DAB1: variants seen among roughly 807,000 people sequenced by gnomAD.
The protein encoded by DAB1 is disabled homolog 1.
In DAB1, 15 loss-of-function variants were observed where a neutral mutation model predicts 64.6. The observed-to-expected ratio is 0.23, with a 90% CI of 0.16 to 0.36. The LOEUF is 0.36. Among genes scored for constraint, DAB1 ranks in the 10% least tolerant of loss-of-function variants. DAB1 has a pLI of 1.00. For missense variants in DAB1, 596 were observed against 706.7 expected (o/e 0.84, Z 1.78); for synonymous variants, 235 against 251.9 (o/e 0.93, Z 0.64).
intron 1 of DAB1, among the ~76,000 whole-genome samples, chr1:57,378,417 G>A (rs1681083245): frequency 6.6e-6 from 1 of 152,196 alleles, no homozygotes. Context: ...TTTAAATCCT[G>A]AGGAACTCCT....
chr1:58,018,098 G>C (rs575795597), intron 5 of DAB1, among the ~76,000 whole-genome samples: 1 of 117,104 alleles, frequency 8.5e-6, no homozygotes. Context: ...TGCATTCTAA[G>C]TGCTTTTTAC....
At chr1:58,448,335 A>G (rs1645094542) in intron 3 of DAB1, among the ~76,000 whole-genome samples, 1 of 152,168 alleles carries the variant, frequency 6.6e-6, no homozygotes, top group South Asian at 2.1e-4. Flanking sequence ...TGTTAGGTAG[A>G]TAGATAGATA....
At chr1:57,404,974 C>T (rs747656304) in intron 1 of DAB1, among the ~76,000 whole-genome samples, 1 of 152,130 alleles carries the variant, frequency 6.6e-6, no homozygotes, top group Non-Finnish European at 1.5e-5. Flanking sequence ...CACTCAATTC[C>T]ACAGTAACTA....
chr1:57,683,021 G>A (rs552947343), intron 6 of DAB1, among the ~76,000 whole-genome samples: 2 of 152,324 alleles, frequency 1.3e-5, no homozygotes, highest in South Asian at 2.1e-4. Flanking sequence ...TCTGGCAGTA[G>A]TTTGGATCCC....
intron 2 of DAB1, among the ~76,000 whole-genome samples, chr1:57,268,688 T>G (rs1156710196): frequency 2.0e-5 from 3 of 152,228 alleles, no homozygotes; most frequent in Non-Finnish European, 1.5e-5. Flanking sequence ...AAGCCCTCTA[T>G]TAGGTTCCAT....
chr1:57,277,851 A>G (rs1671591158), intron 2 of DAB1, among the ~76,000 whole-genome samples: 1 of 152,162 alleles, frequency 6.6e-6, no homozygotes, highest in Admixed American at 6.6e-5. Context: ...TTCATCATCT[A>G]CTGGGCTTCT....
chr1:58,140,410 G>C (rs941559086), intron 5 of DAB1, among the ~76,000 whole-genome samples: 4 of 152,002 alleles, frequency 2.6e-5, no homozygotes, highest in Non-Finnish European at 5.9e-5. Flanking sequence ...CCATCATGTT[G>C]AACAACATTA....
intron 4 of DAB1, among the ~76,000 whole-genome samples, chr1:58,185,270 G>C (rs778190265): frequency 2.0e-5 from 3 of 152,166 alleles, no homozygotes; most frequent in Non-Finnish European, 4.4e-5. Context: ...AAGATGTCAT[G>C]GGTTTATGGT....
intron 1 of DAB1, among the ~76,000 whole-genome samples, chr1:57,396,176 C>G (rs914864536): frequency 1.3e-5 from 2 of 152,158 alleles, no homozygotes; most frequent in African/African-American, 4.8e-5. Flanking sequence ...GCTGTGCTTC[C>G]CTTATTCTGG....
At chr1:58,488,085 A>G (rs554806201) in intron 3 of DAB1, among the ~76,000 whole-genome samples, 30 of 152,236 alleles carry the variant, frequency 2.0e-4, no homozygotes, top group African/African-American at 6.0e-4. Context: ...TTTTTCTAAT[A>G]TAGACATTTA....
In DAB1 at chr1:57,872,587, G is replaced by A. The variant is rs186582391; in HGVS notation, n.87+11412C>T. Among the ~76,000 whole-genome samples, 256 of 152,290 alleles carry A rather than the reference G, an allele frequency of 1.7e-3. 7 individuals carry two copies. The South Asian group carries it at 0.044, about 26-fold the overall frequency. ...GTGCTTGGTTCTTTGAATGCAGCAA[G>A]AAATAGGGCCCATTCCTCATCTTCA... is the stretch of plus-strand genomic sequence containing the variant. On this transcript the variant is annotated intron_variant and non_coding_transcript_variant, in intron 1 of 1. Transcript: ENST00000477280.
At chr1:57,932,377 A>G (rs973230400) in intron 5 of DAB1, among the ~76,000 whole-genome samples, 3 of 152,218 alleles carry the variant, frequency 2.0e-5, no homozygotes, top group Middle Eastern at 6.8e-3. Flanking sequence ...TTTGACTTCA[A>G]CTATGTTCTT....
At chr1:57,406,133 T>A (rs2101043996) in intron 1 of DAB1, among the ~76,000 whole-genome samples, 1 of 152,320 alleles carries the variant, frequency 6.6e-6, no homozygotes, top group South Asian at 2.1e-4. Flanking sequence ...GAACGTTGAT[T>A]TTGTGTCTTA....
chr1:57,586,030 A>G (rs1645375711), intron 7 of DAB1, among the ~76,000 whole-genome samples: 1 of 152,190 alleles, frequency 6.6e-6, no homozygotes, highest in South Asian at 2.1e-4. Flanking sequence ...TGTTCAGTCC[A>G]ATAACCATAC....
intron 7 of DAB1, among the ~76,000 whole-genome samples, chr1:57,587,183 A>G (rs1444184889): frequency 1.3e-5 from 2 of 152,208 alleles, no homozygotes; most frequent in African/African-American, 4.8e-5. Flanking sequence ...TCTTGCTCAC[A>G]TTAACTTTCC....
chr1:58,079,335 G>T (rs1027822216), intron 5 of DAB1, among the ~76,000 whole-genome samples: 1 of 151,986 alleles, frequency 6.6e-6, no homozygotes, highest in African/African-American at 2.4e-5. Flanking sequence ...TCCTCATTTG[G>T]AGTGCTCATT....
intron 4 of DAB1, among the ~76,000 whole-genome samples, chr1:57,100,300 T>C (rs1654550342): frequency 6.7e-6 from 1 of 149,996 alleles, no homozygotes. Flanking sequence ...CTGTTGTTGT[T>C]ATTGTTGTTT....
intron 6 of DAB1, among the ~76,000 whole-genome samples, chr1:57,802,852 G>C (rs1424829909): frequency 2.6e-5 from 4 of 152,106 alleles, no homozygotes; most frequent in Admixed American, 2.0e-4. Context: ...CCTAGTTTTT[G>C]GTATTTTTTA....
Position 58,005,565 on chromosome 1 carries a change from C to G in DAB1, n.388-121403G>C, listed in dbSNP as rs184788538. The stretch of plus-strand genomic sequence containing the variant: ...GGGATCCTCAGTCCTGATACCCAGA[C>G]AGCTGGCTGTGGCCAGGAGGGGCTC... On this transcript the variant is annotated intron_variant and non_coding_transcript_variant, in intron 5 of 20. Coordinates refer to the DAB1 transcript ENST00000485760. Among the ~76,000 whole-genome samples, 887 of 144,488 alleles carry G rather than the reference C, an allele frequency of 6.1e-3. 8 individuals carry two copies. Among genetic ancestry groups the G allele is most frequent in the African/African-American group, 0.022 (842 of 38,546 alleles). The allele number at this position is 144,488 out of a possible 152,430, so 94.8% of individuals were successfully genotyped here. A position where few individuals can be genotyped will look rare whatever the true frequency, so the allele number is the denominator to read the frequency against.
Sources: allele counts gnomAD v4.1 joint callset (sites outside exome capture counted in the v4.1 genomes callset), GRCh38; gene constraint gnomAD v4.1.1; transcripts MANE v1.5; gene names NCBI Gene and HGNC (gene_info 2026-07-23, HGNC 2026-07-21).